SETD2: variants seen among roughly 807,000 people sequenced by gnomAD.
The protein encoded by SETD2 is histone-lysine N-methyltransferase SETD2.
Under a neutral mutation model 242.1 loss-of-function variants are expected in SETD2, and 31 were observed. The ratio of observed to expected loss-of-function variants is 0.13; its 90% CI spans 0.10 to 0.17. The LOEUF (loss-of-function observed/expected upper bound fraction) is 0.17. Among genes scored for constraint, SETD2 ranks in the 10% least tolerant of loss-of-function variants. SETD2 has a pLI of 1.00. For synonymous variants in SETD2, 1,006 were observed against 1,066.5 expected, an observed-to-expected ratio of 0.94 and a Z score of 1.11; for missense variants, 2,481 against 3,046.3, an observed-to-expected ratio of 0.81 and a Z score of 4.37.
rs10672755 is a variant in SETD2 at position 47,111,079 on chromosome 3, T to TAAAAAAA, written c.4715+2790_4715+2796dup. 9.9e-4 allele frequency among the ~76,000 whole-genome samples: 78 copies of TAAAAAAA among 78,798 alleles called. 12 individuals are homozygous for TAAAAAAA. Among genetic ancestry groups the TAAAAAAA allele is most frequent in the Non-Finnish European group, 1.5e-3 (67 of 44,128 alleles). The allele number at this position is 78,798 out of a possible 152,430, so 51.7% of individuals were successfully genotyped here. On this transcript the variant is annotated intron_variant, in intron 5 of 20. Coordinates refer to ENST00000409792, the MANE Select transcript of SETD2 (RefSeq NM_014159.7). ...GCTTGTGTCCAAACTGTGGTTCCTT[T>TAAAAAAA]AAAAAAAAAAAAAAAAAAAAAAAAA...
At chr3:47,119,306 T>C (rs1004780585) in intron 3 of SETD2, 1 of 152,304 alleles carries the variant, frequency 6.6e-6, no homozygotes, top group African/African-American at 2.4e-5. Context: ...TTATAATTTG[T>C]TTCATGTTAG....
At chr3:47,070,356 C>T (rs2040767638) in intron 12 of SETD2, among the ~76,000 whole-genome samples, 2 of 152,172 alleles carry the variant, frequency 1.3e-5, no homozygotes, top group Admixed American at 1.3e-4. Flanking sequence ...TACCTAAGCA[C>T]TTGGAGCTGC....
Position 47,120,785 on chromosome 3 carries a change from T to C in SETD2, c.3851A>G (p.His1284Arg), listed in dbSNP as rs976218064. The change falls in exon 3 of 21, where the codon CAC (histidine) becomes CGC (arginine). Residue 1284 changes from histidine (H) to arginine (R), a missense_variant. His to Arg is a conservative substitution (Grantham distance 29). Transcript: ENST00000409792. Reference sequence around the variant, plus strand: ...CTGTTCTGCATTTTGCTGATACTTGTGTCCACCACAAGCTCCATAGCTACT... The same window carrying C: ...CTGTTCTGCATTTTGCTGATACTTGCGTCCACCACAAGCTCCATAGCTACT... ...PDSSYGACGG[H>R]KYQQNAEQYG... 3.1e-6 allele frequency: 5 copies of C among 1,614,234 alleles called. No individual in the cohort carries two copies. The highest frequency in any genetic ancestry group is 3.4e-6 in the Non-Finnish European group (4 of 1,180,040).
intron 9 of SETD2, among the ~76,000 whole-genome samples, chr3:47,094,354 T>G (rs545576562): frequency 3.3e-5 from 5 of 152,152 alleles, no homozygotes; most frequent in Admixed American, 1.3e-4. Flanking sequence ...ACAGATGCAA[T>G]CATAAGAACA....
intron 11 of SETD2, among the ~76,000 whole-genome samples, chr3:47,084,675 C>T (rs543814118): frequency 1.3e-5 from 2 of 152,116 alleles, no homozygotes; most frequent in East Asian, 1.9e-4. Flanking sequence ...ATCCACCCAC[C>T]TCGGCCTCCC....
intron 15 of SETD2, among the ~76,000 whole-genome samples, chr3:47,053,552 T>TA (rs757595455): frequency 7.4e-4 from 113 of 152,302 alleles, no homozygotes; most frequent in Non-Finnish European, 1.2e-3. Context: ...TGCAGTTGTG[T>TA]AAAAAAATCA....
In SETD2 at chr3:47,016,882, A is replaced by G; in HGVS notation, c.*211T>C. 1 of 555,076 alleles carries G rather than the reference A, an allele frequency of 1.8e-6. No individual in the cohort carries two copies. The highest frequency in any genetic ancestry group is 2.4e-5 in the South Asian group (1 of 41,508). The allele number at this position is 555,076 out of a possible 1,614,324, so 34.4% of individuals were successfully genotyped here. On this transcript the variant is annotated 3_prime_UTR_variant, in exon 21 of 21. Coordinates refer to ENST00000409792, the MANE Select transcript of SETD2 (RefSeq NM_014159.7). Reference sequence around the variant, plus strand: ...GCCCTTGCACCTCTGATGGCTTCTAACCACATGCCAACAGCTCACAACTAG... The same window carrying G: ...GCCCTTGCACCTCTGATGGCTTCTAGCCACATGCCAACAGCTCACAACTAG...
At chr3:47,042,834 G>T (rs2039345808) in intron 16 of SETD2, 134 bp from the exon 17 acceptor site, 1 of 822,744 alleles carries the variant, frequency 1.2e-6, no homozygotes. Flanking sequence ...GAAAGGTACA[G>T]TCTGGGAAAT....
chr3:47,083,253 G>A (rs1178557196), intron 12 of SETD2, among the ~76,000 whole-genome samples: 2 of 152,108 alleles, frequency 1.3e-5, no homozygotes, highest in Non-Finnish European at 2.9e-5. Context: ...AAGTGAATAC[G>A]AACTAGTTCC....
In SETD2 at chr3:47,033,652, ATTTTTT is replaced by A. The variant is rs34978514; in HGVS notation, c.7350+4008_7350+4013del. 1.7e-4 allele frequency among the ~76,000 whole-genome samples: 15 copies of A among 90,864 alleles called. No individual in the cohort carries two copies. In the East Asian group the frequency reaches 2.0e-3, roughly 12 times the overall value. The allele number at this position is 90,864 out of a possible 152,430, so 59.6% of individuals were successfully genotyped here. ...AAGTTATAAGCCCTGTCATGGTTTG[ATTTTTT>A]TTTTTTTTTTTTTTTTTTTTGAGAC... On this transcript the variant is annotated intron_variant, in intron 18 of 20. Coordinates refer to ENST00000409792, the MANE Select transcript of SETD2 (RefSeq NM_014159.7).
intron 12 of SETD2, among the ~76,000 whole-genome samples, chr3:47,076,904 A>C (rs2041103065): frequency 1.3e-5 from 2 of 152,216 alleles, no homozygotes; most frequent in South Asian, 2.1e-4. Context: ...TCTTAGAGTA[A>C]TGGAGTCTCT....
chr3:47,122,543 G>T lies in SETD2; in HGVS notation c.2093C>A (p.Ser698Tyr), dbSNP rs760367394. ...TSKTDAVLMT[S>Y]DDSVTGSELS... ...TTCCGATCCAGTCACACTATCATCA[G>T]AAGTCATTAAAACAGCATCAGTTTT... Residue 698 changes from serine to tyrosine, a missense_variant, in exon 3 of 21, where the codon TCT (serine) becomes TAT (tyrosine). Transcript: ENST00000409792. The T allele has an allele frequency of 6.2e-7, 1 of 1,614,100 alleles. No homozygotes were observed. The highest frequency in any genetic ancestry group is 8.5e-7 in the Non-Finnish European group (1 of 1,179,988).
intron 1 of SETD2, among the ~76,000 whole-genome samples, chr3:47,134,459 A>G (rs1292958313): frequency 2.0e-5 from 3 of 152,142 alleles, no homozygotes; most frequent in African/African-American, 7.2e-5. Context: ...ATGGTCATAC[A>G]CATTTGCAAA....
chr3:47,117,020 G>T (rs1418155461), intron 3 of SETD2, among the ~76,000 whole-genome samples: 1 of 151,730 alleles, frequency 6.6e-6, no homozygotes, highest in African/African-American at 2.4e-5. Context: ...TGTTATTGTT[G>T]TTGTTTGTTT....
rs1208991169 is a variant in SETD2, at chr3:47,124,363, T to C, written c.273A>G (p.Ala91=). The change falls in exon 3 of 21, where the codon GCA becomes GCG. Residue 91 remains alanine (A), a synonymous_variant. Coordinates refer to ENST00000409792, the MANE Select transcript of SETD2 (RefSeq NM_014159.7). The part of the protein sequence containing the change: ...KKTLQNRFLT[A]LGNEKQSDTP... ...TATCACTTTGCTTTTCATTGCCAAG[T>C]GCAGTGAGAAACCTATTCTGCAAAG... 1.2e-5 allele frequency: 18 copies of C among 1,551,894 alleles called. No homozygotes were observed. Among genetic ancestry groups the C allele is most frequent in the Non-Finnish European group, 1.4e-5 (16 of 1,147,010 alleles).
intron 15 of SETD2, among the ~76,000 whole-genome samples, chr3:47,047,489 G>C (rs779769794): frequency 6.6e-6 from 1 of 152,166 alleles, no homozygotes; most frequent in African/African-American, 2.4e-5. Context: ...GAGAGATTTT[G>C]CTCCTATGGA....
chr3:47,019,930 T>G (rs2038144778), intron 18 of SETD2, 90 bp from the exon 19 acceptor site: 2 of 1,062,056 alleles, frequency 1.9e-6, no homozygotes, highest in Admixed American at 1.8e-5. Flanking sequence ...TTCTTTCCCC[T>G]AGCAGGGATA....
chr3:47,098,109 A>C, intron 8 of SETD2, 28 bp from the exon 9 acceptor site: 1 of 1,612,574 alleles, frequency 6.2e-7, no homozygotes, highest in Non-Finnish European at 8.5e-7. Context: ...GAAAGAAGTC[A>C]GCTATGTGGA....
rs2107576845 is a variant in SETD2, at chr3:47,057,297, G to C, written c.6487C>G (p.Pro2163Ala). ...TAACCTGGTGGGTAACCAGCAAAGG[G>C]ATGATGCGGGGCATTATAACCAAGA... ...DSLGYNAPHH[P>A]FAGYPPGYPM... Residue 2163 changes from proline to alanine, a missense_variant, in exon 15 of 21, where the codon CCC becomes GCC. Physicochemically the swap from Pro to Ala is conservative, Grantham distance 27. This residue lies in a region of SETD2 where 45 missense variants were observed against 62.8 expected (regional missense o/e 0.72). Transcript: ENST00000409792. 6.2e-7 allele frequency: 1 copy of C among 1,614,198 alleles called. No individual in the cohort carries two copies.
Sources: gnomAD v4.1 joint callset for allele counts (sites outside exome capture counted in the v4.1 genomes callset) on GRCh38, gnomAD v4.1.1 for gene constraint, gnomAD v4.1.1 regional missense constraint, MANE v1.5 for transcripts, NCBI Gene and HGNC (gene_info 2026-07-23, HGNC 2026-07-21) for gene names.